B3GAT2: variants seen among roughly 807,000 people sequenced by gnomAD.
B3GAT2 encodes galactosylgalactosylxylosylprotein 3-beta-glucuronosyltransferase 2.
In B3GAT2, 26 loss-of-function variants were observed where a neutral mutation model predicts 27.8. The observed-to-expected ratio is 0.93, with a 90% confidence interval of 0.68 to 1.30. B3GAT2 has a LOEUF of 1.30. Ranked by LOEUF, B3GAT2 falls within the 50% of genes most tolerant of loss-of-function variation. The pLI, the probability that B3GAT2 is intolerant of heterozygous loss-of-function variation, is 0.00. For missense variants in B3GAT2, 458 were observed against 459.0 expected, an observed-to-expected ratio of 1.00 and a Z score of 0.02; for synonymous variants, 218 against 195.1, an observed-to-expected ratio of 1.12 and a Z score of -0.98.
chr6:70,862,157 T>A, intron 2 of B3GAT2, 179 bp from the exon 3 acceptor site: 2 of 610,496 alleles, frequency 3.3e-6, no homozygotes, highest in Non-Finnish European at 2.8e-6. Flanking sequence ...AAATCAGTCA[T>A]TACAATATTT....
At chr6:70,894,557 C>T (rs1582360630) in intron 1 of B3GAT2, among the ~76,000 whole-genome samples, 3 of 152,180 alleles carry the variant, frequency 2.0e-5, no homozygotes, top group Admixed American at 2.0e-4. Context: ...TAAGTTGCAA[C>T]TATCAGATAT....
At chr6:70,924,884 A>G (rs1310339817) in intron 1 of B3GAT2, among the ~76,000 whole-genome samples, 1 of 152,246 alleles carries the variant, frequency 6.6e-6, no homozygotes, top group Non-Finnish European at 1.5e-5. Context: ...ACCAGTCATT[A>G]TTCTGCAAAT....
chr6:70,956,217 C>A lies in B3GAT2; in HGVS notation c.213G>T (p.Pro71=), dbSNP rs758815977. 4.3e-6 allele frequency: 7 copies of A among 1,612,234 alleles called. No homozygotes were observed. Among genetic ancestry groups the A allele is most frequent in the Non-Finnish European group, 5.1e-6 (6 of 1,179,134 alleles). The change falls in exon 1 of 4, where the codon CCG becomes CCT. Residue 71 remains proline (P), a synonymous_variant. Transcript: ENST00000230053. ...HGTQKRNQSR[P]QPQPEPQLPT... Reference sequence around the variant, plus strand: ...GCAGCTGCGGCTCCGGCTGTGGCTGCGGCCGAGACTGGTTGCGCTTTTGGG... The same window carrying A: ...GCAGCTGCGGCTCCGGCTGTGGCTGAGGCCGAGACTGGTTGCGCTTTTGGG...
chr6:70,919,416 T>G (rs972589499), intron 1 of B3GAT2, among the ~76,000 whole-genome samples: 1 of 152,188 alleles, frequency 6.6e-6, no homozygotes, highest in Non-Finnish European at 1.5e-5. Context: ...ACTCATCAAA[T>G]TCATTCTCTG....
chr6:70,897,448 T>C (rs1338795421), intron 1 of B3GAT2, among the ~76,000 whole-genome samples: 1 of 152,120 alleles, frequency 6.6e-6, no homozygotes, highest in Admixed American at 6.5e-5. Flanking sequence ...ACTTAAAATA[T>C]TTTTGTGGCT....
At chr6:70,910,549 C>T (rs895326682) in intron 1 of B3GAT2, among the ~76,000 whole-genome samples, 3 of 152,060 alleles carry the variant, frequency 2.0e-5, no homozygotes, top group Admixed American at 6.6e-5. Flanking sequence ...TGTATATGTA[C>T]CACATTTTCT....
rs751723321 is a variant in B3GAT2, at chr6:70,955,876, T to A, written c.554A>T (p.Asp185Val). Reference protein sequence around the residue: ...RAQPGVLFFADDDNTYSLELF... With the variant: ...RAQPGVLFFAVDDNTYSLELF... ...CTCCAGACTATAGGTGTTGTCGTCG[T>A]CAGCGAAGAAGAGCACGCCGGGCTG... Residue 185 changes from aspartate (D) to valine (V), a missense_variant, in exon 1 of 4, where the codon GAC (aspartate) becomes GTC (valine). By Grantham distance (152) the Asp-to-Val change is radical. Coordinates refer to ENST00000230053, the MANE Select transcript of B3GAT2 (RefSeq NM_080742.3). The A allele has an allele frequency of 6.2e-7, 1 of 1,604,946 alleles. No homozygotes were observed. The highest frequency in any genetic ancestry group is 1.1e-5 in the South Asian group (1 of 90,082).
rs1251689163 is a variant in B3GAT2, at chr6:70,858,497, T to G, written c.*3166A>C. The G allele has an allele frequency of 1.0e-5, 3 of 288,006 alleles. No individual in the cohort carries two copies. Among genetic ancestry groups the G allele is most frequent in the Non-Finnish European group, 1.9e-5 (3 of 155,376 alleles). The allele number at this position is 288,006 out of a possible 1,614,324, so 17.8% of individuals were successfully genotyped here. On this transcript the variant is annotated 3_prime_UTR_variant, in exon 4 of 4. Coordinates refer to ENST00000230053, the MANE Select transcript of B3GAT2 (RefSeq NM_080742.3). ...TTCAAATTGTAATGTAACTGTAACGTGAACACCACTAATGGCCAGAAATTA... is the reference window on the plus strand; with the variant it reads ...TTCAAATTGTAATGTAACTGTAACGGGAACACCACTAATGGCCAGAAATTA...
intron 2 of B3GAT2, among the ~76,000 whole-genome samples, chr6:70,877,630 G>A (rs934712934): frequency 6.6e-6 from 1 of 152,164 alleles, no homozygotes; most frequent in Non-Finnish European, 1.5e-5. Context: ...GAACCTTGGT[G>A]TAGCCTGAAG....
In B3GAT2 at chr6:70,951,611, A is replaced by G. The variant is rs1765579336; in HGVS notation, c.591+4228T>C. On this transcript the variant is annotated intron_variant, in intron 1 of 3. Transcript: ENST00000230053. ...AGGCCCAAATTGTTATTTCTGGTCC[A>G]TTAAAATATCAACATCCAAATGAAA... 1.3e-5 allele frequency among the ~76,000 whole-genome samples: 2 copies of G among 152,324 alleles called. 1 individual carries two copies. Among genetic ancestry groups the G allele is most frequent in the East Asian group, 3.9e-4 (2 of 5,186 alleles).
At chr6:70,938,569 G>A (rs1032873279) in intron 1 of B3GAT2, among the ~76,000 whole-genome samples, 2 of 150,246 alleles carry the variant, frequency 1.3e-5, no homozygotes, top group Non-Finnish European at 3.0e-5. Flanking sequence ...TAGATCAATG[G>A]AACAGAACAG....
intron 1 of B3GAT2, among the ~76,000 whole-genome samples, chr6:70,948,564 G>C (rs1409726160): frequency 6.6e-6 from 1 of 151,466 alleles, no homozygotes; most frequent in African/African-American, 2.4e-5. Context: ...ACAAACCACT[G>C]CTCAATGAAA....
Position 70,894,291 on chromosome 6 carries a change from C to A in B3GAT2, c.592-19G>T, listed in dbSNP as rs1304730515. ...TTCGCATCTATAAAAAGGGAAAAGA[C>A]ATGTGTTTTAAGTTTCCTTAGGAAA... On this transcript the variant is annotated intron_variant, in intron 1 of 3. Transcript: ENST00000230053. 2.0e-5 allele frequency: 31 copies of A among 1,555,738 alleles called. No individual in the cohort carries two copies. Among genetic ancestry groups the A allele is most frequent in the East Asian group, 1.8e-4 (8 of 43,924 alleles).
chr6:70,873,714 A>C (rs1034187271), intron 2 of B3GAT2, among the ~76,000 whole-genome samples: 1 of 152,022 alleles, frequency 6.6e-6, no homozygotes, highest in Admixed American at 6.6e-5. Context: ...TAATAAGACT[A>C]TGAGGTCCTG....
chr6:70,923,698 A>C lies in B3GAT2; in HGVS notation c.592-29426T>G, dbSNP rs1772908316. ...ATCAATAATAAAACCCTGCTTAGAA[A>C]CATCTCACAGGTAGACAATTCAGAA... On this transcript the variant is annotated intron_variant, in intron 1 of 3. Coordinates refer to ENST00000230053, the MANE Select transcript of B3GAT2 (RefSeq NM_080742.3). Among the ~76,000 whole-genome samples, 5 of 152,152 alleles carry C rather than the reference A, an allele frequency of 3.3e-5. No individual in the cohort carries two copies. In the South Asian group the frequency reaches 1.0e-3, roughly 31 times the overall value.
chr6:70,894,203 G>A lies in B3GAT2; in HGVS notation c.661C>T (p.Leu221=). ...CCAACAACTTTGCCGTTTTCCACCA[G>A]CGGACGTTCGTAGCGCCGCCCACCA... ...LVGGRRYERP[L]VENGKVVGWY... The change falls in exon 2 of 4, where the codon CTG becomes TTG. Residue 221 remains leucine (L), a synonymous_variant. Transcript: ENST00000230053. 1 of 1,613,922 alleles carries A rather than the reference G, an allele frequency of 6.2e-7. No individual in the cohort carries two copies. Among genetic ancestry groups the A allele is most frequent in the Non-Finnish European group, 8.5e-7 (1 of 1,179,852 alleles).
intron 1 of B3GAT2, among the ~76,000 whole-genome samples, chr6:70,950,551 G>T (rs553323325): frequency 6.6e-6 from 1 of 152,226 alleles, no homozygotes; most frequent in East Asian, 1.9e-4. Context: ...GGGCACCTGG[G>T]TTCAAAATTC....
rs1554218740 is a variant in B3GAT2 at position 70,956,642 on chromosome 6, T to C, written c.-213A>G. The C allele has an allele frequency of 7.1e-7, 1 of 1,399,196 alleles. No homozygotes were observed. Among genetic ancestry groups the C allele is most frequent in the Non-Finnish European group, 9.3e-7 (1 of 1,080,738 alleles). The allele number at this position is 1,399,196 out of a possible 1,614,324, so 86.7% of individuals were successfully genotyped here. Reference sequence around the variant, plus strand: ...TCGCGCAAGCTAGAGCGACAAGGGGTGCAGGCGGGCGGGCAGGGGCTGCCC... The same window carrying C: ...TCGCGCAAGCTAGAGCGACAAGGGGCGCAGGCGGGCGGGCAGGGGCTGCCC... On this transcript the variant is annotated 5_prime_UTR_variant, in exon 1 of 4. Coordinates refer to ENST00000230053, the MANE Select transcript of B3GAT2 (RefSeq NM_080742.3).
At chr6:70,874,517 T>G (rs1771982889) in intron 2 of B3GAT2, among the ~76,000 whole-genome samples, 1 of 152,188 alleles carries the variant, frequency 6.6e-6, no homozygotes, top group African/African-American at 2.4e-5. Context: ...TGTAAGGATT[T>G]TCTTGAACAA....
Sources: allele counts gnomAD v4.1 joint callset (sites outside exome capture counted in the v4.1 genomes callset), GRCh38; gene constraint gnomAD v4.1.1; transcripts MANE v1.5; gene names NCBI Gene and HGNC (gene_info 2026-07-23, HGNC 2026-07-21).